Variants in PDS5B observed in about 807,000 individuals in gnomAD.
PDS5B encodes sister chromatid cohesion protein PDS5 homolog B.
In PDS5B, 51 loss-of-function variants were observed where a neutral mutation model predicts 184.1. The ratio of observed to expected loss-of-function variants is 0.28; its 90% confidence interval spans 0.22 to 0.35. PDS5B has a LOEUF of 0.35. Ranked by LOEUF, PDS5B falls within the 10% of genes least tolerant of loss-of-function variation. The pLI, the probability that PDS5B is intolerant of heterozygous loss-of-function variation, is 1.00. For missense variants in PDS5B, 1,180 were observed against 1,723.3 expected, an observed-to-expected ratio of 0.68 and a Z score of 5.58; for synonymous variants, 566 against 569.2, an observed-to-expected ratio of 0.99 and a Z score of 0.08.
At chr13:32,718,516 A>T (rs761151737) in intron 19 of PDS5B, among the ~76,000 whole-genome samples, 1 of 152,162 alleles carries the variant, frequency 6.6e-6, no homozygotes, top group Non-Finnish European at 1.5e-5. Flanking sequence ...AACATAATTA[A>T]TATCTCTCAA....
chr13:32,658,525 T>G lies in PDS5B; in HGVS notation c.491T>G (p.Val164Gly). Residue 164 changes from valine to glycine, a missense_variant, in exon 5 of 35, where the codon GTT (valine) becomes GGT (glycine). Around this residue, in one of 11 missense-constraint regions of PDS5B, gnomAD observed 79 missense variants for 124.6 expected, o/e 0.63. Coordinates refer to ENST00000315596, the MANE Select transcript of PDS5B (RefSeq NM_015032.4). The part of the protein sequence containing the change: ...FTQLYRTLFS[V>G]INNGHNQKVH... Reference sequence around the variant, plus strand: ...CAGCTATACAGAACCTTATTTTCAGTTATAAAGTAAGTTTATTTTATTAAG... The same window carrying G: ...CAGCTATACAGAACCTTATTTTCAGGTATAAAGTAAGTTTATTTTATTAAG... 1 of 1,488,318 alleles carries G rather than the reference T, an allele frequency of 6.7e-7. No individual in the cohort carries two copies. The highest frequency in any genetic ancestry group is 9.2e-7 in the Non-Finnish European group (1 of 1,083,254). The allele number at this position is 1,488,318 out of a possible 1,614,324, so 92.2% of individuals were successfully genotyped here.
intron 3 of PDS5B, among the ~76,000 whole-genome samples, chr13:32,657,635 TTGTG>T (rs746326225): frequency 2.6e-5 from 4 of 152,160 alleles, no homozygotes; most frequent in Non-Finnish European, 4.4e-5. Flanking sequence ...GCAGACTTGA[TTGTG>T]TGGTTGCTTT....
At chr13:32,633,795 T>A (rs937712135) in intron 1 of PDS5B, among the ~76,000 whole-genome samples, 12 of 152,242 alleles carry the variant, frequency 7.9e-5, no homozygotes, top group African/African-American at 2.9e-4. Context: ...TTGTTTATCT[T>A]TATGGATACT....
intron 13 of PDS5B, chr13:32,689,557 G>T (rs1463594338): frequency 1.3e-5 from 2 of 152,018 alleles, no homozygotes; most frequent in Non-Finnish European, 2.9e-5. Context: ...GAAAAAGCTT[G>T]GCAACCCTGG....
At chr13:32,742,137 ACTT>A (rs1430561040) in intron 22 of PDS5B, among the ~76,000 whole-genome samples, 3 of 152,230 alleles carry the variant, frequency 2.0e-5, no homozygotes, top group Non-Finnish European at 4.4e-5. Context: ...GGTAATATGT[ACTT>A]CTTCAAAAGA....
At chr13:32,749,922 A>AT (rs1953913566) in intron 24 of PDS5B, among the ~76,000 whole-genome samples, 1 of 151,946 alleles carries the variant, frequency 6.6e-6, no homozygotes, top group African/African-American at 2.4e-5. Flanking sequence ...TTGAGGGTAC[A>AT]TTTTTTTCAG....
chr13:32,757,276 G>T (rs1314770376), intron 26 of PDS5B, among the ~76,000 whole-genome samples: 1 of 152,106 alleles, frequency 6.6e-6, no homozygotes, highest in African/African-American at 2.4e-5. Flanking sequence ...GACACTTACG[G>T]TTATATTTCT....
chr13:32,682,064 A>G lies in PDS5B; in HGVS notation c.1058-1814A>G, dbSNP rs140772620. 1.9e-4 allele frequency among the ~76,000 whole-genome samples: 29 copies of G among 152,326 alleles called. 1 individual carries two copies. Among genetic ancestry groups the G allele is most frequent in the African/African-American group, 6.7e-4 (28 of 41,570 alleles). Reference sequence around the variant, plus strand: ...TAATTATTCTCTGCCACAGGGGTATATGGAAAGCTCTGTGAATCCTAATTG... The same window carrying G: ...TAATTATTCTCTGCCACAGGGGTATGTGGAAAGCTCTGTGAATCCTAATTG... On this transcript the variant is annotated intron_variant, in intron 10 of 34. Coordinates refer to ENST00000315596, the MANE Select transcript of PDS5B (RefSeq NM_015032.4).
intron 18 of PDS5B, among the ~76,000 whole-genome samples, chr13:32,708,410 C>A (rs1952095405): frequency 6.6e-6 from 1 of 152,186 alleles, no homozygotes; most frequent in Non-Finnish European, 1.5e-5. Flanking sequence ...TTTATTCTTA[C>A]AAACAACACT....
chr13:32,587,459 T>C (rs1350822116), intron 1 of PDS5B, among the ~76,000 whole-genome samples: 3 of 152,246 alleles, frequency 2.0e-5, no homozygotes, highest in Non-Finnish European at 4.4e-5. Context: ...TTAATGTTAC[T>C]TTAAAAGTTT....
chr13:32,701,403 G>A lies in PDS5B; in HGVS notation c.1821G>A (p.Arg607=). Residue 607 remains arginine (R), a synonymous_variant, in exon 17 of 35, where the codon AGG becomes AGA. Transcript: ENST00000315596. ...AAATGATCAAGTTTCTCTTGGAGAG[G>A]ATAGCACCTGTGCACATAGATACCG... The part of the protein sequence containing the change: ...FLEMIKFLLE[R]IAPVHIDTES... 6.2e-7 allele frequency: 1 copy of A among 1,611,656 alleles called. No individual in the cohort carries two copies.
intron 26 of PDS5B, 102 bp from the exon 27 acceptor site, chr13:32,757,985 T>C (rs918874018): frequency 8.6e-6 from 4 of 465,416 alleles, no homozygotes; most frequent in South Asian, 8.5e-5. Context: ...CCTGGAGTTA[T>C]ATTATCTAGG....
chr13:32,673,080 T>C (rs1270223579), intron 7 of PDS5B, 136 bp from the exon 8 acceptor site: 7 of 736,234 alleles, frequency 9.5e-6, no homozygotes, highest in Non-Finnish European at 1.4e-5. Context: ...GTTTCCCATA[T>C]AATGTTAGAA....
At chr13:32,666,626 C>T (rs1950804894) in intron 6 of PDS5B, among the ~76,000 whole-genome samples, 2 of 151,800 alleles carry the variant, frequency 1.3e-5, no homozygotes, top group African/African-American at 4.8e-5. Context: ...AAAAAGTCTC[C>T]ATACTTTGAC....
chr13:32,632,411 A>T (rs1326421930), intron 1 of PDS5B, among the ~76,000 whole-genome samples: 2 of 152,190 alleles, frequency 1.3e-5, no homozygotes, highest in Admixed American at 6.5e-5. Context: ...CACATAAGAT[A>T]CTCAACACCA....
intron 1 of PDS5B, among the ~76,000 whole-genome samples, chr13:32,629,409 T>C (rs1420510075): frequency 6.6e-6 from 1 of 152,216 alleles, no homozygotes; most frequent in African/African-American, 2.4e-5. Context: ...CTACAATTCT[T>C]GTAGAATGTT....
intron 29 of PDS5B, among the ~76,000 whole-genome samples, chr13:32,759,968 CT>C (rs780334187): frequency 2.0e-4 from 30 of 147,774 alleles, no homozygotes; most frequent in African/African-American, 3.2e-4. Context: ...TCTTAAAAGG[CT>C]TTTTTTTTTG....
intron 1 of PDS5B, 122 bp from the exon 2 acceptor site, chr13:32,648,632 T>C (rs1940687730): frequency 3.5e-6 from 2 of 563,888 alleles, no homozygotes; most frequent in African/African-American, 3.8e-5. Context: ...AATGGTAAAG[T>C]AAATTACTAT....
chr13:32,738,405 CT>C (rs1273553925), intron 21 of PDS5B, among the ~76,000 whole-genome samples: 1 of 152,084 alleles, frequency 6.6e-6, no homozygotes, highest in East Asian at 1.9e-4. Context: ...CTCATTATAG[CT>C]CATTATAGTC....
Sources: gnomAD v4.1 joint callset for allele counts (sites outside exome capture counted in the v4.1 genomes callset) on GRCh38, gnomAD v4.1.1 for gene constraint, gnomAD v4.1.1 regional missense constraint, MANE v1.5 for transcripts, NCBI Gene and HGNC (gene_info 2026-07-23, HGNC 2026-07-21) for gene names.